The following TGFBR3 variants were observed in gnomAD, a reference collection of about 807,000 sequenced individuals.
The protein encoded by TGFBR3 is transforming growth factor beta receptor 3.
A neutral mutation model predicts 87.9 loss-of-function variants in TGFBR3; 46 were observed. That is an observed-to-expected ratio of 0.52 (90% confidence interval 0.41 to 0.67). TGFBR3 has a LOEUF of 0.67. Among genes scored for constraint, TGFBR3 ranks in the 30% least tolerant of loss-of-function variants. TGFBR3 has a pLI of 0.00. For synonymous variants in TGFBR3, 381 were observed against 391.6 expected (o/e 0.97, Z 0.32); for missense variants, 866 against 1,041.9 (o/e 0.83, Z 2.32).
chr1:91,763,841 T>C lies in TGFBR3; in HGVS notation c.247-5091A>G, dbSNP rs537195876. Among the ~76,000 whole-genome samples the C allele has an allele frequency of 2.6e-5, 4 of 152,296 alleles. No individual in the cohort carries two copies. In the East Asian group the frequency reaches 5.8e-4, roughly 22 times the overall value. On this transcript the variant is annotated intron_variant, in intron 3 of 16. Coordinates refer to ENST00000212355, the MANE Select transcript of TGFBR3 (RefSeq NM_003243.5). ...AGGGGTGGGAACAGTATTTACTTAG[T>C]TGCTGCTGCAGTATTTAAAGTATAT...
At chr1:91,802,121 T>C (rs1371418700) in intron 2 of TGFBR3, among the ~76,000 whole-genome samples, 2 of 152,160 alleles carry the variant, frequency 1.3e-5, no homozygotes, top group African/African-American at 4.8e-5. Context: ...CAAGCCTCTC[T>C]GGCCAAGAAA....
intron 7 of TGFBR3, among the ~76,000 whole-genome samples, chr1:91,726,231 GC>G (rs1672544936): frequency 6.6e-6 from 1 of 152,162 alleles, no homozygotes. Flanking sequence ...AAGGGTCAAG[GC>G]TGAAAGAATA....
chr1:91,882,083 C>T (rs904204923), intron 1 of TGFBR3, among the ~76,000 whole-genome samples: 18 of 148,840 alleles, frequency 1.2e-4, no homozygotes, highest in Admixed American at 3.3e-4. Flanking sequence ...CTACATAATA[C>T]GCAAGAAACA....
At chr1:91,851,264 C>G (rs1327799319) in intron 2 of TGFBR3, among the ~76,000 whole-genome samples, 1 of 152,106 alleles carries the variant, frequency 6.6e-6, no homozygotes. Context: ...TTTCAGCCCT[C>G]TAGAATTCCA....
chr1:91,694,136 T>A (rs1425197945), intron 16 of TGFBR3, among the ~76,000 whole-genome samples: 1 of 152,110 alleles, frequency 6.6e-6, no homozygotes, highest in African/African-American at 2.4e-5. Context: ...GGACAAGAGA[T>A]GCACACCACC....
chr1:91,695,385 G>A (rs991828766), intron 16 of TGFBR3: 4 of 399,308 alleles, frequency 1.0e-5, no homozygotes, highest in South Asian at 8.8e-5. Context: ...ATTTCTGTAC[G>A]TTGTCTGCAT....
chr1:91,680,501 G>T lies in TGFBR3; in HGVS notation c.*3238C>A, dbSNP rs757995859. Reference sequence around the variant, plus strand: ...TCAAACTGGCCACAGGGATTTTAAGGGTACTCGTTTTACCCTCATAGATGA... The same window carrying T: ...TCAAACTGGCCACAGGGATTTTAAGTGTACTCGTTTTACCCTCATAGATGA... On this transcript the variant is annotated 3_prime_UTR_variant, in exon 17 of 17. Coordinates refer to ENST00000212355, the MANE Select transcript of TGFBR3 (RefSeq NM_003243.5). 1 of 453,958 alleles carries T rather than the reference G, an allele frequency of 2.2e-6. No homozygotes were observed. The highest frequency in any genetic ancestry group is 4.4e-6 in the Non-Finnish European group (1 of 226,774). 28.1% of individuals were successfully genotyped at this position (453,958 alleles called of 1,614,324 possible). A position where few individuals can be genotyped will look rare whatever the true frequency, so the allele number is the denominator to read the frequency against.
In TGFBR3 at chr1:91,680,776, A is replaced by C. The variant is rs1197577306; in HGVS notation, c.*2963T>G. On this transcript the variant is annotated 3_prime_UTR_variant, in exon 17 of 17. Coordinates refer to ENST00000212355, the MANE Select transcript of TGFBR3 (RefSeq NM_003243.5). ...GTACAAAAAGACTGGCACGCGTGTG[A>C]GCACCCCACACACACTCACAATCAT... The C allele has an allele frequency of 4.4e-6, 2 of 454,018 alleles. No individual in the cohort carries two copies. The highest frequency in any genetic ancestry group is 8.8e-6 in the Non-Finnish European group (2 of 226,804). The allele number at this position is 454,018 out of a possible 1,614,324, so 28.1% of individuals were successfully genotyped here.
intron 2 of TGFBR3, among the ~76,000 whole-genome samples, chr1:91,801,525 T>C (rs1252534361): frequency 1.3e-5 from 2 of 152,148 alleles, no homozygotes; most frequent in East Asian, 1.9e-4. Flanking sequence ...AAAGTGGTCA[T>C]AGATTTAGGG....
chr1:91,840,455 AATATCAT>A (rs1677228143), intron 2 of TGFBR3, among the ~76,000 whole-genome samples: 1 of 144,518 alleles, frequency 6.9e-6, no homozygotes, highest in Admixed American at 6.8e-5. Flanking sequence ...ATGATTTTGT[AATATCAT>A]GCATGATTTT....
chr1:91,773,603 A>G (rs1399803513), intron 3 of TGFBR3, among the ~76,000 whole-genome samples: 1 of 152,220 alleles, frequency 6.6e-6, no homozygotes, highest in Non-Finnish European at 1.5e-5. Context: ...AATTGCATGA[A>G]TGCAGGAGGC....
intron 3 of TGFBR3, among the ~76,000 whole-genome samples, chr1:91,772,540 T>C (rs1377565622): frequency 2.0e-5 from 3 of 152,180 alleles, no homozygotes; most frequent in East Asian, 1.9e-4. Context: ...AAACTATCAA[T>C]GAATTAAGCA....
chr1:91,843,095 A>G (rs1225869125), intron 2 of TGFBR3, among the ~76,000 whole-genome samples: 1 of 152,218 alleles, frequency 6.6e-6, no homozygotes, highest in African/African-American at 2.4e-5. Flanking sequence ...TGTACCAAAA[A>G]TATGCCTGAA....
intron 2 of TGFBR3, among the ~76,000 whole-genome samples, chr1:91,843,595 C>T (rs558719016): frequency 7.2e-4 from 110 of 152,314 alleles, no homozygotes; most frequent in African/African-American, 2.3e-3. Context: ...TCATAATAAA[C>T]GTGATCCTCT....
At chr1:91,851,474 C>T (rs925698951) in intron 2 of TGFBR3, among the ~76,000 whole-genome samples, 5 of 152,182 alleles carry the variant, frequency 3.3e-5, no homozygotes, top group African/African-American at 1.2e-4. Context: ...CTTGCTGGCA[C>T]GCTTCCCGGA....
intron 2 of TGFBR3, among the ~76,000 whole-genome samples, chr1:91,849,470 A>G (rs891357271): frequency 1.3e-5 from 2 of 152,106 alleles, no homozygotes; most frequent in Non-Finnish European, 2.9e-5. Context: ...TTCCCCAGAT[A>G]TCCACTTAGC....
chr1:91,729,875 T>A lies in TGFBR3; in HGVS notation c.667A>T (p.Met223Leu), dbSNP rs1418653365. Residue 223 changes from methionine (M) to leucine (L), a missense_variant, in exon 6 of 17, where the codon ATG (methionine) becomes TTG (leucine). By Grantham distance (15) the Met-to-Leu change is conservative. Coordinates refer to ENST00000212355, the MANE Select transcript of TGFBR3 (RefSeq NM_003243.5). ...LQPKAAEGCV[M>L]SSQPQNEEVH... ...TCCTCATTCTGGGGCTGGCTGGACA[T>A]CACACACCCTTCTGCTGCTTTGGGT... is the stretch of plus-strand genomic sequence containing the variant. The A allele has an allele frequency of 1.2e-6, 2 of 1,614,196 alleles. No homozygotes were observed. Among genetic ancestry groups the A allele is most frequent in the Non-Finnish European group, 1.7e-6 (2 of 1,180,020 alleles).
chr1:91,789,440 C>T (rs902175458), intron 3 of TGFBR3, among the ~76,000 whole-genome samples: 3 of 152,212 alleles, frequency 2.0e-5, no homozygotes, highest in Non-Finnish European at 2.9e-5. Flanking sequence ...TCCAACCAGG[C>T]TCAGTCCCTC....
intron 3 of TGFBR3, among the ~76,000 whole-genome samples, chr1:91,760,127 C>G (rs1161496691): frequency 6.6e-6 from 1 of 152,200 alleles, no homozygotes; most frequent in Non-Finnish European, 1.5e-5. Flanking sequence ...TTCAATGCCA[C>G]AAAAATATTC....
Sources: allele counts gnomAD v4.1 joint callset (sites outside exome capture counted in the v4.1 genomes callset), GRCh38; gene constraint gnomAD v4.1.1; transcripts MANE v1.5; gene names NCBI Gene and HGNC (gene_info 2026-07-23, HGNC 2026-07-21).